Variants in GLCE observed in about 807,000 individuals in gnomAD.
GLCE encodes glucuronic acid epimerase.
Under a neutral mutation model 47.9 loss-of-function variants are expected in GLCE, and 19 were observed. The ratio of observed to expected loss-of-function variants is 0.40; its 90% CI spans 0.28 to 0.58. The LOEUF is 0.58. Ranked by LOEUF, GLCE falls within the 20% of genes least tolerant of loss-of-function variation. The probability of loss-of-function intolerance (pLI) is 0.48; values close to 1 mark genes in which losing one functional copy is unlikely to be tolerated. For missense variants in GLCE, 556 were observed against 743.3 expected (o/e 0.75, Z 2.93); for synonymous variants, 245 against 263.4 (o/e 0.93, Z 0.68).
chr15:69,208,156 A>G (rs1478664341), intron 1 of GLCE, among the ~76,000 whole-genome samples: 1 of 151,922 alleles, frequency 6.6e-6, no homozygotes, highest in African/African-American at 2.4e-5. Context: ...TTGAAGTCCA[A>G]TTTATAACTT....
Position 69,268,971 on chromosome 15 carries a change from G to A in GLCE, c.1581G>A (p.Gly527=). The change falls in exon 5 of 5, where the codon GGG becomes GGA. Residue 527 remains glycine (G), a synonymous_variant. Transcript: ENST00000261858. ...IGLYDLKETA[G]EKLGKEARSL... is the part of the protein sequence containing the mutation. ...TGTATGACTTAAAAGAAACTGCAGG[G>A]GAAAAACTCGGAAAAGAAGCAAGGT... The A allele has an allele frequency of 1.9e-6, 3 of 1,614,144 alleles. No individual in the cohort carries two copies. Among genetic ancestry groups the A allele is most frequent in the Non-Finnish European group, 1.7e-6 (2 of 1,180,020 alleles).
chr15:69,226,431 T>C (rs1358358856), intron 2 of GLCE, among the ~76,000 whole-genome samples: 1 of 152,302 alleles, frequency 6.6e-6, no homozygotes, highest in East Asian at 1.9e-4. Flanking sequence ...AGTGTACAAA[T>C]GTAGAAGATA....
intron 2 of GLCE, among the ~76,000 whole-genome samples, chr15:69,230,361 G>C (rs1227701066): frequency 6.6e-6 from 1 of 152,112 alleles, no homozygotes; most frequent in African/African-American, 2.4e-5. Flanking sequence ...TATAAAAGGG[G>C]TCAGTTTACC....
At chr15:69,223,072 G>A (rs1181511083) in intron 2 of GLCE, among the ~76,000 whole-genome samples, 8 of 152,256 alleles carry the variant, frequency 5.3e-5, no homozygotes, top group African/African-American at 1.9e-4. Context: ...GTTAAATGCG[G>A]TAGTCTCTTA....
At chr15:69,218,086 G>A (rs1051070503) in intron 2 of GLCE, among the ~76,000 whole-genome samples, 7 of 150,702 alleles carry the variant, frequency 4.6e-5, no homozygotes, top group African/African-American at 1.2e-4. Flanking sequence ...CTCAGGAGGC[G>A]GAGGTTGCAG....
chr15:69,247,006 G>T (rs953521740), intron 2 of GLCE, among the ~76,000 whole-genome samples: 1 of 152,154 alleles, frequency 6.6e-6, no homozygotes, highest in Non-Finnish European at 1.5e-5. Context: ...AGGAAGAGTA[G>T]ATTTAGCATA....
Position 69,269,359 on chromosome 15 carries a change from A to T in GLCE, c.*115A>T. ...TATGTACTAGGTTTTTGTGGATTCT[A>T]TCAAAGTGATAAGTGATCCTTAAAA... On this transcript the variant is annotated 3_prime_UTR_variant, in exon 5 of 5. Transcript: ENST00000261858. The T allele has an allele frequency of 1.3e-6, 1 of 790,232 alleles. No individual in the cohort carries two copies. Among genetic ancestry groups the T allele is most frequent in the Non-Finnish European group, 2.0e-6 (1 of 489,954 alleles). The allele number at this position is 790,232 out of a possible 1,614,324, so 49.0% of individuals were successfully genotyped here. A position where few individuals can be genotyped will look rare whatever the true frequency, so the allele number is the denominator to read the frequency against.
rs143086358 is a variant in GLCE, at chr15:69,218,070, A to G, written c.-14+7664A>G. ...TTGGGAGGCCAAGGCAGGAGAATCA[A>G]TTGAACTCAGGAGGCGGAGGTTGCA... On this transcript the variant is annotated intron_variant, in intron 2 of 4. Transcript: ENST00000261858. Among the ~76,000 whole-genome samples, 941 of 148,602 alleles carry G rather than the reference A, an allele frequency of 6.3e-3. 10 individuals are homozygous for G. The highest frequency in any genetic ancestry group is 0.022 in the African/African-American group (900 of 40,306).
chr15:69,210,459 T>C (rs971069950), intron 2 of GLCE, 53 bp downstream of exon 2: 5 of 152,158 alleles, frequency 3.3e-5, no homozygotes, highest in African/African-American at 1.2e-4. Context: ...TTTTCAGTGA[T>C]GTGCTAGAAT....
chr15:69,208,667 G>T (rs2052184455), intron 1 of GLCE, among the ~76,000 whole-genome samples: 2 of 151,906 alleles, frequency 1.3e-5, no homozygotes, highest in Admixed American at 1.3e-4. Flanking sequence ...AAAAATCCTG[G>T]AATTTTGATT....
intron 2 of GLCE, among the ~76,000 whole-genome samples, chr15:69,251,478 T>G (rs1263641539): frequency 6.6e-6 from 1 of 152,230 alleles, no homozygotes; most frequent in African/African-American, 2.4e-5. Flanking sequence ...AACACTTGCC[T>G]GAATCTGTAA....
intron 1 of GLCE, among the ~76,000 whole-genome samples, chr15:69,164,737 G>A (rs912842466): frequency 1.3e-5 from 2 of 151,944 alleles, no homozygotes; most frequent in African/African-American, 4.8e-5. Flanking sequence ...CTTTTTAAAG[G>A]TACATGGCAA....
chr15:69,191,058 G>T (rs2051904449), intron 1 of GLCE, among the ~76,000 whole-genome samples: 1 of 152,018 alleles, frequency 6.6e-6, no homozygotes, highest in Non-Finnish European at 1.5e-5. Flanking sequence ...ACAGTAGATT[G>T]TAATTATGGT....
chr15:69,173,228 G>C (rs1235765588), intron 1 of GLCE, among the ~76,000 whole-genome samples: 5 of 152,232 alleles, frequency 3.3e-5, no homozygotes, highest in African/African-American at 1.2e-4. Context: ...GGTAGGCATT[G>C]ATAAACAGTG....
At chr15:69,248,901 G>A (rs1479408655) in intron 2 of GLCE, among the ~76,000 whole-genome samples, 1 of 152,140 alleles carries the variant, frequency 6.6e-6, no homozygotes, top group African/African-American at 2.4e-5. Context: ...CAAGCTAGGT[G>A]CATTTCTAAG....
At chr15:69,197,137 A>G (rs1441317913) in intron 1 of GLCE, 5 of 383,442 alleles carry the variant, frequency 1.3e-5, no homozygotes, top group Admixed American at 1.1e-4. Flanking sequence ...TAAAGGGCCC[A>G]GTCCTTCGGC....
chr15:69,212,121 T>C (rs1487252674), intron 2 of GLCE, among the ~76,000 whole-genome samples: 5 of 151,502 alleles, frequency 3.3e-5, no homozygotes, highest in Non-Finnish European at 5.9e-5. Flanking sequence ...AGCTTTAATA[T>C]GTTAATGAGG....
intron 1 of GLCE, among the ~76,000 whole-genome samples, chr15:69,179,576 A>G (rs2051721656): frequency 6.6e-6 from 1 of 152,234 alleles, no homozygotes; most frequent in African/African-American, 2.4e-5. Flanking sequence ...TCCCTGTGCC[A>G]TCCCTATATA....
chr15:69,214,352 G>A (rs2052275338), intron 2 of GLCE, among the ~76,000 whole-genome samples: 1 of 152,080 alleles, frequency 6.6e-6, no homozygotes, highest in Non-Finnish European at 1.5e-5. Context: ...GGATCATGGG[G>A]CAGTGTCCCC....
Sources: gnomAD v4.1 joint callset for allele counts (sites outside exome capture counted in the v4.1 genomes callset) on GRCh38, gnomAD v4.1.1 for gene constraint, MANE v1.5 for transcripts, NCBI Gene and HGNC (gene_info 2026-07-23, HGNC 2026-07-21) for gene names.